PDE7B: variants seen among roughly 807,000 people sequenced by gnomAD.
The protein encoded by PDE7B is phosphodiesterase 7B, also known as 3',5'-cyclic-AMP phosphodiesterase 7B.
A neutral mutation model predicts 56.2 loss-of-function variants in PDE7B; 29 were observed. That is an observed-to-expected ratio of 0.52 (90% CI 0.38 to 0.70). PDE7B has a LOEUF of 0.70. Ranked by LOEUF, PDE7B falls within the 30% of genes least tolerant of loss-of-function variation. PDE7B has a pLI of 0.00. For missense variants in PDE7B, 490 were observed against 565.0 expected, an observed-to-expected ratio of 0.87 and a Z score of 1.35; for synonymous variants, 197 against 196.9, an observed-to-expected ratio of 1.00 and a Z score of 0.00.
chr6:135,871,694 C>T (rs1012041973), intron 1 of PDE7B, among the ~76,000 whole-genome samples: 1 of 152,186 alleles, frequency 6.6e-6, no homozygotes, highest in Non-Finnish European at 1.5e-5. Flanking sequence ...AAGTCACTAA[C>T]TGTTCCGTGC....
chr6:135,911,066 A>G (rs1281068882), intron 1 of PDE7B, among the ~76,000 whole-genome samples: 1 of 152,238 alleles, frequency 6.6e-6, no homozygotes, highest in African/African-American at 2.4e-5. Context: ...GAGGAAAAAT[A>G]TTTAAAATGT....
intron 2 of PDE7B, chr6:136,038,308 A>C (rs9376173): frequency 0.29 from 375,360 of 1,294,150 alleles, 56,944 homozygotes; most frequent in East Asian, 0.54. Flanking sequence ...TGCTAGAGCG[A>C]TATTTCCACC....
chr6:136,014,303 A>G (rs980503494), intron 2 of PDE7B, among the ~76,000 whole-genome samples: 1 of 152,214 alleles, frequency 6.6e-6, no homozygotes, highest in African/African-American at 2.4e-5. Context: ...GGTATTTGTG[A>G]TATAATTTTC....
intron 2 of PDE7B, among the ~76,000 whole-genome samples, chr6:136,102,346 GT>G (rs903561818): frequency 6.6e-6 from 1 of 152,184 alleles, no homozygotes; most frequent in African/African-American, 2.4e-5. Flanking sequence ...ATAGCTACTG[GT>G]TTTTGAATAC....
intron 2 of PDE7B, among the ~76,000 whole-genome samples, chr6:136,055,888 G>C (rs896831408): frequency 6.6e-6 from 1 of 152,274 alleles, no homozygotes; most frequent in South Asian, 2.1e-4. Flanking sequence ...CAAAGAACAA[G>C]CTTCTTTCTT....
At chr6:136,074,301 G>A (rs1172824075) in intron 2 of PDE7B, among the ~76,000 whole-genome samples, 1 of 150,704 alleles carries the variant, frequency 6.6e-6, no homozygotes, top group Non-Finnish European at 1.5e-5. Flanking sequence ...TTTAATTTTT[G>A]TGGGCACATA....
chr6:136,186,993 C>A, intron 11 of PDE7B, 43 bp from the exon 12 acceptor site: 2 of 972,214 alleles, frequency 2.1e-6, no homozygotes, highest in South Asian at 2.7e-5. Flanking sequence ...TTTATAAGTT[C>A]TAGATTACCA....
At chr6:135,947,327 C>T (rs958894163) in intron 1 of PDE7B, 137 bp from the exon 2 acceptor site, 1 of 693,656 alleles carries the variant, frequency 1.4e-6, no homozygotes, top group African/African-American at 1.8e-5. Flanking sequence ...CTGCTCATGA[C>T]ATAAGTCCCT....
intron 9 of PDE7B, among the ~76,000 whole-genome samples, chr6:136,177,182 T>C (rs1043521580): frequency 6.6e-6 from 1 of 151,930 alleles, no homozygotes; most frequent in Non-Finnish European, 1.5e-5. Context: ...TAAGACTTCC[T>C]GGTGGCACTG....
intron 1 of PDE7B, among the ~76,000 whole-genome samples, chr6:135,908,818 A>G (rs1309083772): frequency 6.6e-6 from 1 of 152,224 alleles, no homozygotes; most frequent in Non-Finnish European, 1.5e-5. Flanking sequence ...GAGAAAGAAA[A>G]GAAAGAGAAT....
intron 1 of PDE7B, among the ~76,000 whole-genome samples, chr6:135,871,785 A>G (rs1405745864): frequency 2.6e-5 from 4 of 152,150 alleles, no homozygotes; most frequent in African/African-American, 9.7e-5. Context: ...ACACACACAC[A>G]CACACACACA....
chr6:136,131,494 G>GTTTTTTTTT (rs1201361799), intron 3 of PDE7B, among the ~76,000 whole-genome samples: 32 of 84,712 alleles, frequency 3.8e-4, no homozygotes, highest in African/African-American at 1.4e-3. Flanking sequence ...ATCCTGGCAG[G>GTTTTTTTTT]TTTTTTTTTT....
chr6:135,902,584 G>A (rs1002973474), intron 1 of PDE7B, among the ~76,000 whole-genome samples: 4 of 152,088 alleles, frequency 2.6e-5, no homozygotes, highest in East Asian at 1.9e-4. Flanking sequence ...ATAGAAGGTT[G>A]ATCAATGATC....
At chr6:136,073,557 T>C (rs1233811555) in intron 2 of PDE7B, among the ~76,000 whole-genome samples, 1 of 152,172 alleles carries the variant, frequency 6.6e-6, no homozygotes, top group Non-Finnish European at 1.5e-5. Context: ...CCTCTGGGCC[T>C]GTGTCCTAAT....
rs766735363 is a variant in PDE7B at position 136,181,361 on chromosome 6, GTCT to G, written c.1045+43_1045+45del. ...CCAACAGCTGAGATTTCATTGCCCT[GTCT>G]TCTTTTAGGCATTTATCCTAATAAA... On this transcript the variant is annotated intron_variant, in intron 11 of 12. Transcript: ENST00000308191. The G allele has an allele frequency of 4.0e-6, 5 of 1,259,154 alleles. No individual in the cohort carries two copies. In the African/African-American group the frequency reaches 5.9e-5, roughly 15 times the overall value. The allele number at this position is 1,259,154 out of a possible 1,614,324, so 78.0% of individuals were successfully genotyped here.
At chr6:135,999,397 T>C (rs1775627678) in intron 2 of PDE7B, among the ~76,000 whole-genome samples, 1 of 152,130 alleles carries the variant, frequency 6.6e-6, no homozygotes, top group African/African-American at 2.4e-5. Context: ...AGATACTTTT[T>C]TTTCTTCTCT....
At chr6:135,929,864 A>C (rs1032449249) in intron 1 of PDE7B, among the ~76,000 whole-genome samples, 4 of 152,172 alleles carry the variant, frequency 2.6e-5, no homozygotes, top group African/African-American at 9.7e-5. Context: ...GAAGCTCCTA[A>C]GAGAAGTGCA....
chr6:136,113,654 G>A (rs1009732241), intron 3 of PDE7B, among the ~76,000 whole-genome samples: 2 of 152,164 alleles, frequency 1.3e-5, no homozygotes, highest in African/African-American at 2.4e-5. Context: ...GAAAAGTAAC[G>A]GCTGTATTCT....
intron 2 of PDE7B, among the ~76,000 whole-genome samples, chr6:136,063,451 C>T (rs997941970): frequency 6.6e-5 from 10 of 152,224 alleles, no homozygotes; most frequent in Admixed American, 5.2e-4. Context: ...CCATTTCTTC[C>T]ACCACCTTGG....
Sources: allele counts gnomAD v4.1 joint callset (sites outside exome capture counted in the v4.1 genomes callset), GRCh38; gene constraint gnomAD v4.1.1; transcripts MANE v1.5; gene names NCBI Gene and HGNC (gene_info 2026-07-23, HGNC 2026-07-21).